The following PCDH15 variants were observed in gnomAD, a reference collection of about 807,000 sequenced individuals.
The protein encoded by PCDH15 is protocadherin related 15.
PCDH15 carries 129 observed loss-of-function variants against 178.5 expected under a neutral mutation model. The observed-to-expected ratio is 0.72, with a 90% CI of 0.63 to 0.84. The LOEUF (loss-of-function observed/expected upper bound fraction) is 0.84. Among genes scored for constraint, PCDH15 ranks in the 40% least tolerant of loss-of-function variants. The pLI, the probability that PCDH15 is intolerant of heterozygous loss-of-function variation, is 0.00. For missense variants in PCDH15, 2,230 were observed against 2,099.9 expected (o/e 1.06, Z -1.21); for synonymous variants, 800 against 732.0 (o/e 1.09, Z -1.50).
intron 2 of PCDH15, among the ~76,000 whole-genome samples, chr10:55,329,356 T>TA (rs1281402888): frequency 6.6e-6 from 1 of 151,742 alleles, no homozygotes; most frequent in African/African-American, 2.4e-5. Flanking sequence ...TTCTTGTGTT[T>TA]AAAAATATTG....
chr10:54,705,920 C>A, intron 1 of PCDH15, among the ~76,000 whole-genome samples: 1 of 152,096 alleles, frequency 6.6e-6, no homozygotes, highest in East Asian at 1.9e-4. Context: ...GATGTGGTAT[C>A]AACGGTACAG....
intron 2 of PCDH15, among the ~76,000 whole-genome samples, chr10:55,010,086 T>G (rs1210904752): frequency 6.6e-6 from 1 of 152,150 alleles, no homozygotes; most frequent in East Asian, 1.9e-4. Flanking sequence ...AGAAGACTAT[T>G]GTTCAAGGAC....
upstream of PCDH15, among the ~76,000 whole-genome samples, chr10:55,322,880 T>G (rs1374364819): frequency 6.6e-6 from 1 of 151,872 alleles, no homozygotes; most frequent in African/African-American, 2.4e-5. Context: ...ACCAAGGTAA[T>G]AGGGAAAATG....
intron 1 of PCDH15, among the ~76,000 whole-genome samples, chr10:54,742,990 A>G (rs1016957658): frequency 6.6e-6 from 1 of 152,002 alleles, no homozygotes; most frequent in East Asian, 1.9e-4. Flanking sequence ...TCTTTATCTA[A>G]CCGTTTGAAA....
At chr10:54,818,995 G>A (rs1952992937) in intron 3 of PCDH15, among the ~76,000 whole-genome samples, 1 of 151,958 alleles carries the variant, frequency 6.6e-6, no homozygotes, top group African/African-American at 2.4e-5. Flanking sequence ...GGTGATCATA[G>A]TTCACTGTAA....
intron 2 of PCDH15, among the ~76,000 whole-genome samples, chr10:55,618,380 A>G (rs1843520297): frequency 6.6e-6 from 1 of 152,038 alleles, no homozygotes; most frequent in Admixed American, 6.6e-5. Context: ...CATTCCTAGG[A>G]GTGTCCTAAT....
At chr10:54,710,656 A>C (rs2095419553) in intron 1 of PCDH15, among the ~76,000 whole-genome samples, 1 of 152,072 alleles carries the variant, frequency 6.6e-6, no homozygotes, top group African/African-American at 2.4e-5. Flanking sequence ...CAGAACAGAA[A>C]TGTTTTCCTA....
At chr10:55,336,523 A>G (rs1346630339) in intron 2 of PCDH15, among the ~76,000 whole-genome samples, 1 of 152,014 alleles carries the variant, frequency 6.6e-6, no homozygotes, top group Non-Finnish European at 1.5e-5. Context: ...TAAACAAATA[A>G]AAATAATTAT....
At chr10:54,819,697 A>G (rs539221278) in intron 3 of PCDH15, among the ~76,000 whole-genome samples, 39 of 152,144 alleles carry the variant, frequency 2.6e-4, no homozygotes, top group Non-Finnish European at 4.9e-4. Context: ...CCTATACATT[A>G]TTAAAAAATT....
chr10:54,943,738 A>G (rs149755001), intron 2 of PCDH15, among the ~76,000 whole-genome samples: 3 of 152,048 alleles, frequency 2.0e-5, no homozygotes, highest in African/African-American at 4.8e-5. Flanking sequence ...ATCTTAGAAT[A>G]AAGTGGTGAT....
chr10:55,570,094 C>T (rs1393405118), intron 2 of PCDH15, among the ~76,000 whole-genome samples: 1 of 151,156 alleles, frequency 6.6e-6, no homozygotes, highest in East Asian at 1.9e-4. Context: ...TAAATTCTTA[C>T]AGTTAGTTGA....
chr10:55,625,777 A>T (rs1837513394), intron 2 of PCDH15, among the ~76,000 whole-genome samples: 1 of 151,666 alleles, frequency 6.6e-6, no homozygotes, highest in African/African-American at 2.4e-5. Flanking sequence ...CTACACACAC[A>T]CTCTCTCTCA....
chr10:54,651,827 G>T (rs2094268449), intron 2 of PCDH15, among the ~76,000 whole-genome samples: 1 of 152,058 alleles, frequency 6.6e-6, no homozygotes, highest in African/African-American at 2.4e-5. Context: ...TGCCTAATAG[G>T]TGAATATTTA....
rs185141766 is a variant in PCDH15 at position 55,318,161 on chromosome 10, T to A, written c.-156+1438A>T. On this transcript the variant is annotated intron_variant, in intron 1 of 5. Coordinates refer to the PCDH15 transcript ENST00000458638. ...TGGAACATTTTTATACCATAGTCAT[T>A]GGTGTACCATATGAAAAATTTAACC... Among the ~76,000 whole-genome samples, 1,474 of 152,102 alleles carry A rather than the reference T, an allele frequency of 9.7e-3. 24 individuals are homozygous for A. Among genetic ancestry groups the A allele is most frequent in the African/African-American group, 0.033 (1,386 of 41,490 alleles).
At chr10:55,418,947 CCTA>C (rs1250866249) in intron 2 of PCDH15, among the ~76,000 whole-genome samples, 16 of 151,606 alleles carry the variant, frequency 1.1e-4, no homozygotes, top group African/African-American at 3.9e-4. Flanking sequence ...TTTATATATT[CCTA>C]CTTTTGAAAA....
At chr10:54,828,105 T>C (rs1284823012) in intron 3 of PCDH15, among the ~76,000 whole-genome samples, 2 of 151,998 alleles carry the variant, frequency 1.3e-5, no homozygotes, top group African/African-American at 4.8e-5. Flanking sequence ...ATACCTTGAA[T>C]TAATTATCAA....
intron 15 of PCDH15, among the ~76,000 whole-genome samples, chr10:54,122,002 T>G (rs11510900): frequency 0.21 from 30,632 of 146,218 alleles, 4,288 homozygotes; most frequent in East Asian, 0.79. Context: ...CAAAGACACA[T>G]ACACACACAC....
chr10:55,188,933 G>T (rs1165034401), intron 1 of PCDH15, among the ~76,000 whole-genome samples: 1 of 150,226 alleles, frequency 6.7e-6, no homozygotes, highest in Non-Finnish European at 1.5e-5. Context: ...AACTTATCAG[G>T]GATATTTCAT....
At chr10:54,109,286 C>T (rs931311161) in intron 15 of PCDH15, among the ~76,000 whole-genome samples, 1 of 152,130 alleles carries the variant, frequency 6.6e-6, no homozygotes, top group Non-Finnish European at 1.5e-5. Context: ...ATCTGCACTC[C>T]GTGTTTATTG....
Sources: gnomAD v4.1 joint callset for allele counts (sites outside exome capture counted in the v4.1 genomes callset) on GRCh38, gnomAD v4.1.1 for gene constraint, MANE v1.5 for transcripts, NCBI Gene and HGNC (gene_info 2026-07-23, HGNC 2026-07-21) for gene names.